Variants in ACSL4 observed in about 807,000 individuals in gnomAD.
ACSL4 encodes the protein acyl-CoA synthetase long chain family member 4.
Under a neutral mutation model 49.1 loss-of-function variants are expected in ACSL4, and 9 were observed. That is an observed-to-expected ratio of 0.18 (90% CI 0.11 to 0.32). ACSL4 has a LOEUF of 0.32. Among genes scored for constraint, ACSL4 ranks in the 10% least tolerant of loss-of-function variants. ACSL4 has a pLI of 1.00. For missense variants in ACSL4, 333 were observed against 493.7 expected (o/e 0.67, Z 3.08); for synonymous variants, 191 against 170.3 (o/e 1.12, Z -0.95).
At chrX:109,685,014 G>T (rs1251009141) in intron 2 of ACSL4, among the ~76,000 whole-genome samples, 1 of 110,342 alleles carries the variant, frequency 9.1e-6, no homozygotes, top group Non-Finnish European at 1.9e-5. Context: ...GGGGGCTGCT[G>T]CAGGTTAGAA....
chrX:109,643,064 G>A lies in ACSL4; in HGVS notation c.*965C>T, dbSNP rs757898990. ...AAATTACAAATGTAATTTAATACAT[G>A]TACATTTTAAAATCAATCCCTGTTA... On this transcript the variant is annotated 3_prime_UTR_variant, in exon 16 of 16. Transcript: ENST00000672401. 74 of 111,901 alleles carry A rather than the reference G, an allele frequency of 6.6e-4. No homozygotes were observed. The highest frequency in any genetic ancestry group is 4.3e-4 in the Non-Finnish European group (23 of 52,981). The allele number at this position is 111,901 out of a possible 1,213,427, so 9.2% of individuals were successfully genotyped here.
At chrX:109,669,764 T>A (rs1358756111) in intron 9 of ACSL4, among the ~76,000 whole-genome samples, 2 of 112,307 alleles carry the variant, frequency 1.8e-5, no homozygotes, top group Non-Finnish European at 3.8e-5. Context: ...GAAAAAAAAA[T>A]TAATCTCTGT....
intron 14 of ACSL4, among the ~76,000 whole-genome samples, chrX:109,660,959 G>C (rs984034933): frequency 5.4e-5 from 6 of 110,980 alleles, no homozygotes; most frequent in Non-Finnish European, 1.1e-4. Context: ...TGTTTAATGG[G>C]TATAGAGTTT....
At chrX:109,668,552 T>C (rs752193540) in intron 10 of ACSL4, among the ~76,000 whole-genome samples, 2 of 111,850 alleles carry the variant, frequency 1.8e-5, no homozygotes, top group African/African-American at 6.5e-5. Context: ...AAAATTTTAA[T>C]TATCTTTGGA....
chrX:109,724,907 G>A (rs757039707), intron 1 of ACSL4, among the ~76,000 whole-genome samples: 47 of 107,477 alleles, frequency 4.4e-4, no homozygotes, highest in Non-Finnish European at 7.3e-4. Flanking sequence ...GCGAGATTCC[G>A]TCTCAATAAT....
chrX:109,665,896 A>G (rs192749268), intron 11 of ACSL4, among the ~76,000 whole-genome samples: 1 of 111,760 alleles, frequency 8.9e-6, no homozygotes, highest in East Asian at 2.8e-4. Context: ...AACAAAACCT[A>G]CTTCATACAG....
At chrX:109,671,888 AAC>A (rs1460800905) in intron 9 of ACSL4, among the ~76,000 whole-genome samples, 1 of 109,737 alleles carries the variant, frequency 9.1e-6, no homozygotes, top group Non-Finnish European at 1.9e-5. Context: ...CATGCTCGTT[AAC>A]AGTCATCACC....
intron 2 of ACSL4, among the ~76,000 whole-genome samples, chrX:109,694,655 C>T (rs1925289848): frequency 9.0e-6 from 1 of 111,541 alleles, no homozygotes; most frequent in Admixed American, 9.5e-5. Context: ...AAGATATATT[C>T]TATAAGAAGC....
At chrX:109,700,207 CAAAAAAAAAAAA>C (rs748667601) in intron 1 of ACSL4, among the ~76,000 whole-genome samples, 3 of 16,301 alleles carry the variant, frequency 1.8e-4, no homozygotes, top group African/African-American at 2.4e-4. Flanking sequence ...GACTCCGTCT[CAAAAAAAAAAAA>C]AAAAAAAAAA....
At chrX:109,647,887 T>C (rs1934802280) in intron 15 of ACSL4, among the ~76,000 whole-genome samples, 1 of 111,450 alleles carries the variant, frequency 9.0e-6, no homozygotes, top group African/African-American at 3.3e-5. Flanking sequence ...CAGAGAATAC[T>C]ACAAACACCT....
At chrX:109,732,288 G>T (rs1928524942) in intron 1 of ACSL4, among the ~76,000 whole-genome samples, 1 of 111,568 alleles carries the variant, frequency 9.0e-6, no homozygotes, top group African/African-American at 3.3e-5. Flanking sequence ...ATTTCAAGAG[G>T]GTGAAAAATG....
intron 2 of ACSL4, among the ~76,000 whole-genome samples, chrX:109,687,138 A>T (rs1924678308): frequency 1.8e-5 from 2 of 111,995 alleles, no homozygotes; most frequent in Admixed American, 9.5e-5. Flanking sequence ...CAAGTACACT[A>T]GCCAGCCTCT....
At chrX:109,664,075 G>T (rs770712376) in intron 12 of ACSL4, among the ~76,000 whole-genome samples, 5 of 111,121 alleles carry the variant, frequency 4.5e-5, no homozygotes, top group Non-Finnish European at 9.5e-5. Flanking sequence ...TGTCATAAAA[G>T]GATTAAAATC....
At chrX:109,644,832 G>C (rs892766040) in intron 15 of ACSL4, among the ~76,000 whole-genome samples, 1 of 112,899 alleles carries the variant, frequency 8.9e-6, no homozygotes, top group East Asian at 2.8e-4. Context: ...CGCACCATGC[G>C]CGAGCCGAAG....
Position 109,669,164 on chromosome X carries a change from C to T in ACSL4, c.1012G>A (p.Asp338Asn), listed in dbSNP as rs1278034804. Residue 338 changes from aspartate (D) to asparagine (N), a missense_variant, in exon 10 of 16, where the codon GAT (aspartate) becomes AAT (asparagine). By Grantham distance (23) the Asp-to-Asn change is conservative. Coordinates refer to ENST00000672401, the MANE Select transcript of ACSL4 (RefSeq NM_001318510.2). The part of the protein sequence containing the change: ...TLMAAVPEIM[D>N]RIYKNVMSKV... ...CTCATAACATTCTTATAAATTCTAT[C>T]CATGATTTCCTGAAAGTTAAACAAA... 6.0e-6 allele frequency: 7 copies of T among 1,159,804 alleles called. No homozygotes were observed. The Admixed American group carries it at 1.1e-4, about 18-fold the overall frequency.
chrX:109,699,296 G>A (rs1925691460), intron 1 of ACSL4, among the ~76,000 whole-genome samples: 1 of 112,182 alleles, frequency 8.9e-6, no homozygotes, highest in African/African-American at 3.2e-5. Flanking sequence ...GAACCCGGGA[G>A]TCAAGATCAT....
At chrX:109,662,953 C>T (rs866261830) in intron 13 of ACSL4, among the ~76,000 whole-genome samples, 1 of 111,546 alleles carries the variant, frequency 9.0e-6, no homozygotes, top group Non-Finnish European at 1.9e-5. Context: ...GTTGCTAGTG[C>T]TGCTAGTACT....
chrX:109,714,860 G>A (rs186158172), intron 1 of ACSL4, among the ~76,000 whole-genome samples: 6 of 111,900 alleles, frequency 5.4e-5, no homozygotes, highest in African/African-American at 2.0e-4. Flanking sequence ...ACATGTCCCT[G>A]TCATTAAGCA....
intron 12 of ACSL4, among the ~76,000 whole-genome samples, chrX:109,663,924 A>C (rs1251547702): frequency 9.0e-6 from 1 of 111,454 alleles, no homozygotes; most frequent in African/African-American, 3.3e-5. Context: ...TGACTTTAGA[A>C]GTTCAAACAC....
Sources: gnomAD v4.1 joint callset for allele counts (sites outside exome capture counted in the v4.1 genomes callset) on GRCh38, gnomAD v4.1.1 for gene constraint, MANE v1.5 for transcripts, NCBI Gene and HGNC (gene_info 2026-07-23, HGNC 2026-07-21) for gene names.